Variants in BICC1 observed in about 807,000 individuals in gnomAD.
BICC1 encodes BicC family RNA binding protein 1.
A neutral mutation model predicts 111.0 loss-of-function variants in BICC1; 43 were observed. That is an observed-to-expected ratio of 0.39 (90% CI 0.30 to 0.50). BICC1 has a LOEUF of 0.50. Ranked by LOEUF, BICC1 falls within the 20% of genes least tolerant of loss-of-function variation. The probability of loss-of-function intolerance (pLI) is 0.88; values close to 1 mark genes in which losing one functional copy is unlikely to be tolerated. For synonymous variants in BICC1, 467 were observed against 434.4 expected, an observed-to-expected ratio of 1.07 and a Z score of -0.93; for missense variants, 1,091 against 1,203.2, an observed-to-expected ratio of 0.91 and a Z score of 1.38.
At chr10:58,553,516 C>G (rs866458091) in intron 1 of BICC1, among the ~76,000 whole-genome samples, 1 of 152,046 alleles carries the variant, frequency 6.6e-6, no homozygotes, top group Admixed American at 6.6e-5. Context: ...CAGTGAAATC[C>G]ATTTTGGACT....
intron 3 of BICC1, among the ~76,000 whole-genome samples, chr10:58,745,602 G>GCGCC (rs1554827822): frequency 1.3e-4 from 10 of 78,722 alleles, no homozygotes; most frequent in African/African-American, 5.1e-4. Flanking sequence ...GCCCCCCACC[G>GCGCC]CCCCCCCCCC....
At chr10:58,798,184 C>T (rs1310456524) in intron 10 of BICC1, among the ~76,000 whole-genome samples, 1 of 152,158 alleles carries the variant, frequency 6.6e-6, no homozygotes, top group African/African-American at 2.4e-5. Context: ...CTTCCATTTT[C>T]TGATAGCAAC....
At chr10:58,794,592 G>A (rs560429669) in intron 9 of BICC1, among the ~76,000 whole-genome samples, 9 of 151,966 alleles carry the variant, frequency 5.9e-5, no homozygotes, top group African/African-American at 1.9e-4. Flanking sequence ...CTAATGTTTT[G>A]TACTTTTTGT....
chr10:58,593,604 C>T (rs561300383), intron 1 of BICC1, among the ~76,000 whole-genome samples: 3 of 152,140 alleles, frequency 2.0e-5, no homozygotes, highest in Admixed American at 6.5e-5. Flanking sequence ...CAAACAGGGT[C>T]GGGAGTGGAC....
chr10:58,761,333 C>G (rs901180272), intron 3 of BICC1, among the ~76,000 whole-genome samples: 1 of 152,152 alleles, frequency 6.6e-6, no homozygotes, highest in African/African-American at 2.4e-5. Context: ...AATCCTAGAG[C>G]TGGGGGCAGT....
chr10:58,762,873 A>G (rs1240019037), intron 3 of BICC1, among the ~76,000 whole-genome samples: 1 of 152,224 alleles, frequency 6.6e-6, no homozygotes, highest in African/African-American at 2.4e-5. Context: ...GGATTTAAGC[A>G]ATTTCATCGT....
intron 3 of BICC1, among the ~76,000 whole-genome samples, chr10:58,762,024 C>T (rs1842329922): frequency 6.6e-6 from 1 of 152,068 alleles, no homozygotes; most frequent in African/African-American, 2.4e-5. Context: ...GGTCAAACCC[C>T]TTTGCACATG....
chr10:58,793,400 C>A (rs1479458949), intron 8 of BICC1, 84 bp from the exon 9 acceptor site: 17 of 1,237,498 alleles, frequency 1.4e-5, no homozygotes, highest in Non-Finnish European at 1.9e-5. Flanking sequence ...TAAAATAGTG[C>A]ATTATTTGCA....
At chr10:58,636,247 C>T (rs949688725) in intron 2 of BICC1, among the ~76,000 whole-genome samples, 4 of 152,238 alleles carry the variant, frequency 2.6e-5, no homozygotes, top group East Asian at 1.9e-4. Flanking sequence ...TATGACTAGC[C>T]ATTTGTTGAA....
chr10:58,531,996 G>A (rs2131855687), intron 1 of BICC1, among the ~76,000 whole-genome samples: 1 of 151,860 alleles, frequency 6.6e-6, no homozygotes, highest in South Asian at 2.1e-4. Context: ...GAGGAAATGA[G>A]GGACAGAATA....
intron 15 of BICC1, among the ~76,000 whole-genome samples, chr10:58,806,027 T>C (rs889406703): frequency 1.3e-5 from 2 of 152,226 alleles, no homozygotes; most frequent in Non-Finnish European, 2.9e-5. Flanking sequence ...CTTAATGTCA[T>C]TATAAATTAA....
intron 20 of BICC1, among the ~76,000 whole-genome samples, chr10:58,822,068 C>G (rs1440720006): frequency 5.3e-5 from 8 of 152,116 alleles, no homozygotes; most frequent in Non-Finnish European, 1.2e-4. Flanking sequence ...TAGACTCAAG[C>G]TAACTTTAAA....
At chr10:58,648,265 A>G (rs763220421) in intron 2 of BICC1, among the ~76,000 whole-genome samples, 1 of 152,156 alleles carries the variant, frequency 6.6e-6, no homozygotes, top group Non-Finnish European at 1.5e-5. Context: ...TGTTATATAT[A>G]AAAATATTTT....
intron 2 of BICC1, among the ~76,000 whole-genome samples, chr10:58,680,770 C>A (rs1218939330): frequency 6.6e-6 from 1 of 152,314 alleles, no homozygotes; most frequent in East Asian, 1.9e-4. Flanking sequence ...TGACTTCAAA[C>A]TATACTACAA....
At chr10:58,785,959 CT>C (rs1178013573) in intron 4 of BICC1, among the ~76,000 whole-genome samples, 1 of 152,046 alleles carries the variant, frequency 6.6e-6, no homozygotes, top group Non-Finnish European at 1.5e-5. Flanking sequence ...AATTACTCCC[CT>C]GATAATTATT....
intron 20 of BICC1, among the ~76,000 whole-genome samples, chr10:58,821,521 T>G (rs1463143954): frequency 6.6e-6 from 1 of 152,140 alleles, no homozygotes; most frequent in African/African-American, 2.4e-5. Flanking sequence ...AGGAAATCTT[T>G]ATCTGAAGCA....
At position 58,786,980 on chromosome 10, in the gene BICC1, G is replaced by A. The variant is rs1843028270; in HGVS notation, c.445G>A (p.Gly149Ser). 6 of 1,609,310 alleles carry A rather than the reference G, an allele frequency of 3.7e-6. No homozygotes were observed. Among genetic ancestry groups the A allele is most frequent in the Non-Finnish European group, 5.1e-6 (6 of 1,178,180 alleles). Reference sequence around the variant, plus strand: ...ACATACAGAACATTCACATGTAATCGGCAAAGGTGGCAACAATATTAAAAA... The same window carrying A: ...ACATACAGAACATTCACATGTAATCAGCAAAGGTGGCAACAATATTAAAAA... ...VSHTEHSHVIGKGGNNIKKVM... is the reference protein window; with the variant it reads ...VSHTEHSHVISKGGNNIKKVM... Residue 149 changes from glycine to serine, a missense_variant, in exon 5 of 21, where the codon GGC becomes AGC. Around this residue, in one of 3 missense-constraint regions of BICC1, gnomAD observed 843 missense variants for 900.8 expected, o/e 0.94. Coordinates refer to ENST00000373886, the MANE Select transcript of BICC1 (RefSeq NM_001080512.3).
At chr10:58,623,205 C>G (rs1845880456) in intron 2 of BICC1, among the ~76,000 whole-genome samples, 1 of 152,162 alleles carries the variant, frequency 6.6e-6, no homozygotes, top group Non-Finnish European at 1.5e-5. Context: ...TAATTAATTG[C>G]TCTCATTAAA....
intron 1 of BICC1, among the ~76,000 whole-genome samples, chr10:58,566,189 T>TATGTGTGTATACACATGTACACACTTGC (rs1554807007): frequency 6.6e-6 from 1 of 150,966 alleles, no homozygotes; most frequent in Non-Finnish European, 1.5e-5. Flanking sequence ...CACGTGTGTA[T>TATGTGTGTATACACATGTACACACTTGC]ATGTGTGTAT....
Sources: gnomAD v4.1 joint callset for allele counts (sites outside exome capture counted in the v4.1 genomes callset) on GRCh38, gnomAD v4.1.1 for gene constraint, gnomAD v4.1.1 regional missense constraint, MANE v1.5 for transcripts, NCBI Gene and HGNC (gene_info 2026-07-23, HGNC 2026-07-21) for gene names.